Variants in SLC26A4 observed in about 807,000 individuals in gnomAD.
SLC26A4 encodes the protein solute carrier family 26 member 4.
A neutral mutation model predicts 90.4 loss-of-function variants in SLC26A4; 93 were observed. The ratio of observed to expected loss-of-function variants is 1.03; its 90% CI spans 0.87 to 1.22. The LOEUF is 1.22. Ranked by LOEUF, SLC26A4 falls within the 50% of genes most tolerant of loss-of-function variation. The probability of loss-of-function intolerance (pLI) is 0.00; values close to 1 mark genes in which losing one functional copy is unlikely to be tolerated. For missense variants in SLC26A4, 1,127 were observed against 946.2 expected, an observed-to-expected ratio of 1.19 and a Z score of -2.51; for synonymous variants, 393 against 354.6, an observed-to-expected ratio of 1.11 and a Z score of -1.22.
At chr7:107,711,079 A>T (rs1051707053) in intron 19 of SLC26A4, among the ~76,000 whole-genome samples, 5 of 151,658 alleles carry the variant, frequency 3.3e-5, no homozygotes, top group Non-Finnish European at 7.4e-5. Context: ...TAGTGGAGAG[A>T]TTGTTCTATT....
intron 18 of SLC26A4, 39 bp downstream of exon 18, chr7:107,704,424 C>A: frequency 1.1e-6 from 1 of 894,554 alleles, no homozygotes. Flanking sequence ...GTAAGACTTT[C>A]CCGTAAGCCC....
At chr7:107,712,853 G>A (rs1225175015) in intron 20 of SLC26A4, among the ~76,000 whole-genome samples, 2 of 152,160 alleles carry the variant, frequency 1.3e-5, no homozygotes, top group Admixed American at 6.5e-5. Flanking sequence ...CAACTGGCAA[G>A]AGCCAACACA....
intron 6 of SLC26A4, among the ~76,000 whole-genome samples, chr7:107,677,545 A>T (rs1791059245): frequency 6.6e-6 from 1 of 152,100 alleles, no homozygotes; most frequent in Non-Finnish European, 1.5e-5. Flanking sequence ...TTGATTCAGC[A>T]TTATATGGGT....
At chr7:107,663,496 C>G (rs918202813) in intron 3 of SLC26A4, 61 bp downstream of exon 3, 99 of 1,577,788 alleles carry the variant, frequency 6.3e-5, no homozygotes, top group Non-Finnish European at 8.2e-5. Flanking sequence ...TTCTCCCCAG[C>G]TACCATAGGT....
chr7:107,698,316 G>A (rs556241047), intron 14 of SLC26A4, among the ~76,000 whole-genome samples: 4 of 151,588 alleles, frequency 2.6e-5, no homozygotes, highest in African/African-American at 9.7e-5. Context: ...CTAGCTGAAT[G>A]TCTTTTTTTT....
chr7:107,712,473 C>A, intron 19 of SLC26A4, 66 bp from the exon 20 acceptor site: 1 of 827,420 alleles, frequency 1.2e-6, no homozygotes, highest in Non-Finnish European at 2.2e-6. Flanking sequence ...AGCTTCAAAT[C>A]ATTTTCAGTG....
At chr7:107,675,895 G>T (rs1400224325) in intron 6 of SLC26A4, among the ~76,000 whole-genome samples, 1 of 152,148 alleles carries the variant, frequency 6.6e-6, no homozygotes, top group Non-Finnish European at 1.5e-5. Flanking sequence ...ATTTCTCTAT[G>T]CATACTTTGG....
At chr7:107,713,627 T>C (rs1034270203) in intron 20 of SLC26A4, among the ~76,000 whole-genome samples, 1 of 152,210 alleles carries the variant, frequency 6.6e-6, no homozygotes. Flanking sequence ...CAGGCCAGCA[T>C]GGAGATTATT....
intron 2 of SLC26A4, among the ~76,000 whole-genome samples, chr7:107,662,602 A>G (rs924623452): frequency 6.6e-6 from 1 of 152,176 alleles, no homozygotes; most frequent in Non-Finnish European, 1.5e-5. Flanking sequence ...ATTTTACTGC[A>G]TATCTTTAAA....
intron 20 of SLC26A4, 53 bp downstream of exon 20, chr7:107,712,675 G>T: frequency 1.1e-6 from 1 of 945,660 alleles, no homozygotes; most frequent in South Asian, 1.3e-5. Context: ...TGAATAATTA[G>T]AGTAATACAA....
chr7:107,663,367 G>T lies in SLC26A4; in HGVS notation c.236G>T (p.Arg79Leu), dbSNP rs200706874. ...ATCTTGGAGTGGCTCCCCAAATACC[G>T]AGTCAAGGAATGGCTGCTTAGTGAC... ...VPILEWLPKYRVKEWLLSDVI... is the reference protein window; with the variant it reads ...VPILEWLPKYLVKEWLLSDVI... Residue 79 changes from arginine (R) to leucine (L), a missense_variant, in exon 3 of 21, where the codon CGA becomes CTA. Physicochemically the swap from Arg to Leu is moderately radical, Grantham distance 102 (BLOSUM62 -2). Transcript: ENST00000644269. The T allele has an allele frequency of 6.2e-7, 1 of 1,614,112 alleles. No individual in the cohort carries two copies. Among genetic ancestry groups the T allele is most frequent in the Admixed American group, 1.7e-5 (1 of 60,022 alleles).
rs1792337959 is a variant in SLC26A4 at position 107,716,034 on chromosome 7, C to T, written c.*588C>T. ...AGCCGGAATTGAGGATCTCTTTGAT[C>T]CTGGAAATGGTTTACCTAAAAGCTA... On this transcript the variant is annotated 3_prime_UTR_variant, in exon 21 of 21. Coordinates refer to ENST00000644269, the MANE Select transcript of SLC26A4 (RefSeq NM_000441.2). 1 of 152,160 alleles carries T rather than the reference C, an allele frequency of 6.6e-6. No individual in the cohort carries two copies. The highest frequency in any genetic ancestry group is 6.5e-5 in the Admixed American group (1 of 15,286). The allele number at this position is 152,160 out of a possible 1,614,324, so 9.4% of individuals were successfully genotyped here.
intron 10 of SLC26A4, chr7:107,691,884 A>C (rs1312374251): frequency 8.0e-7 from 1 of 1,256,218 alleles, no homozygotes; most frequent in African/African-American, 1.5e-5. Flanking sequence ...GTCAGAGCCA[A>C]TTTCCAAAGC....
chr7:107,704,548 A>C (rs1486699720), intron 18 of SLC26A4, among the ~76,000 whole-genome samples, 163 bp downstream of exon 18: 1 of 151,894 alleles, frequency 6.6e-6, no homozygotes, highest in African/African-American at 2.4e-5. Context: ...GCTTCATTCC[A>C]TAAAACAGAA....
At chr7:107,663,520 T>C (rs1790627272) in intron 3 of SLC26A4, 85 bp downstream of exon 3, 18 of 1,461,330 alleles carry the variant, frequency 1.2e-5, no homozygotes, top group Admixed American at 8.4e-5. Context: ...TGACAGATGG[T>C]TGCTTACCCT....
chr7:107,700,920 G>A (rs1433451525), intron 15 of SLC26A4, among the ~76,000 whole-genome samples, 181 bp from the exon 16 acceptor site: 1 of 152,046 alleles, frequency 6.6e-6, no homozygotes, highest in Non-Finnish European at 1.5e-5. Flanking sequence ...AGAGCTTCTG[G>A]GTAGGAGTAG....
intron 12 of SLC26A4, 34 bp downstream of exon 12, chr7:107,694,750 A>G (rs1425736367): frequency 6.9e-7 from 1 of 1,447,544 alleles, no homozygotes; most frequent in Non-Finnish European, 9.7e-7. Context: ...TATCTGAAAT[A>G]AGATTTGGTT....
chr7:107,694,313 T>A lies in SLC26A4; in HGVS notation c.1264-90T>A. The A allele has an allele frequency of 3.2e-6, 3 of 927,688 alleles. No individual in the cohort carries two copies. The South Asian group carries it at 4.0e-5, about 12-fold the overall frequency. 57.5% of individuals were successfully genotyped at this position (927,688 alleles called of 1,614,324 possible). ...GACAGGGAAGTATGAAGTGTGTCTG[T>A]GAACAGGCTGTCTCATACACACATC... On this transcript the variant is annotated intron_variant, in intron 10 of 20. Transcript: ENST00000644269.
In SLC26A4 at chr7:107,683,481, T is replaced by C. The variant is rs1395871195; in HGVS notation, c.945T>C (p.Tyr315=). 5.6e-6 allele frequency: 9 copies of C among 1,613,964 alleles called. No homozygotes were observed. The highest frequency in any genetic ancestry group is 7.6e-6 in the Non-Finnish European group (9 of 1,179,874). ...IVTIIATAIS[Y]GANLEKNYNA... ...CGATAATTGCTACTGCCATTTCATA[T>C]GGAGCCAACCTGGAAAAAAATTACA... The change falls in exon 8 of 21, where the codon TAT becomes TAC. Residue 315 remains tyrosine (Y), a synonymous_variant. Coordinates refer to ENST00000644269, the MANE Select transcript of SLC26A4 (RefSeq NM_000441.2).
Sources: gnomAD v4.1 joint callset for allele counts (sites outside exome capture counted in the v4.1 genomes callset) on GRCh38, gnomAD v4.1.1 for gene constraint, MANE v1.5 for transcripts, NCBI Gene and HGNC (gene_info 2026-07-23, HGNC 2026-07-21) for gene names.